SKIC3: variants seen among roughly 807,000 people sequenced by gnomAD.
SKIC3 encodes the protein SKI3 subunit of superkiller complex.
chr5:95,513,669 C>G, the SKIC3 span: 13 of 1,599,700 alleles, frequency 8.1e-6, no homozygotes, highest in East Asian at 4.5e-5. Context: ...AAAACAGACT[C>G]TTAATGTGTT....
chr5:95,474,087 T>C, the SKIC3 span, among the ~76,000 whole-genome samples: 2 of 152,334 alleles, frequency 1.3e-5, no homozygotes, highest in South Asian at 4.1e-4. Flanking sequence ...TTTGTATATA[T>C]GCTGAAAGGT....
At chr5:95,470,083 T>C in the SKIC3 span, among the ~76,000 whole-genome samples, 1 of 151,842 alleles carries the variant, frequency 6.6e-6, no homozygotes, top group Non-Finnish European at 1.5e-5. Flanking sequence ...GTTCCCGCCA[T>C]TCTCCTGCCT....
the SKIC3 span, among the ~76,000 whole-genome samples, chr5:95,530,859 A>T: frequency 1.5e-4 from 23 of 152,196 alleles, no homozygotes; most frequent in African/African-American, 5.5e-4. Context: ...AATAGTTTAG[A>T]AAACATTATA....
At chr5:95,516,978 G>T in the SKIC3 span, 1 of 1,613,324 alleles carries the variant, frequency 6.2e-7, no homozygotes. Context: ...TCTGCTAGAT[G>T]TTGTGCTTGG....
the SKIC3 span, among the ~76,000 whole-genome samples, chr5:95,548,365 T>C: frequency 6.6e-6 from 1 of 152,050 alleles, no homozygotes; most frequent in Non-Finnish European, 1.5e-5. Flanking sequence ...GTTAGATACA[T>C]ATTTTTTAAT....
the SKIC3 span, chr5:95,503,141 T>C: frequency 6.3e-5 from 60 of 953,734 alleles, no homozygotes; most frequent in African/African-American, 7.5e-4. Flanking sequence ...CTCAAGCAGA[T>C]AGAATAAAAA....
At chr5:95,516,150 A>G in the SKIC3 span, among the ~76,000 whole-genome samples, 1 of 152,140 alleles carries the variant, frequency 6.6e-6, no homozygotes. Context: ...AAGTTTCTTG[A>G]AGGTCATAAA....
chr5:95,485,398 C>T, the SKIC3 span, among the ~76,000 whole-genome samples: 1 of 152,188 alleles, frequency 6.6e-6, no homozygotes, highest in Non-Finnish European at 1.5e-5. Flanking sequence ...ATAGTATAAA[C>T]TCTTTGGCAT....
the SKIC3 span, among the ~76,000 whole-genome samples, chr5:95,506,499 A>G: frequency 6.6e-6 from 1 of 152,146 alleles, no homozygotes; most frequent in Non-Finnish European, 1.5e-5. Flanking sequence ...GTCTCTGAAA[A>G]ACTGAGGAAA....
the SKIC3 span, chr5:95,537,144 G>A: frequency 6.2e-7 from 1 of 1,611,470 alleles, no homozygotes; most frequent in Non-Finnish European, 8.5e-7. Flanking sequence ...GTAAAAAGCT[G>A]AAACAAATAA....
chr5:95,482,762 C>T, the SKIC3 span: 6 of 902,334 alleles, frequency 6.6e-6, no homozygotes, highest in Non-Finnish European at 1.0e-5. Flanking sequence ...GAGAAAACAA[C>T]TGCAAATAAT....
chr5:95,497,954 A>C, the SKIC3 span, among the ~76,000 whole-genome samples: 8 of 152,330 alleles, frequency 5.3e-5, no homozygotes, highest in Admixed American at 5.2e-4. Flanking sequence ...ACTGCTAAAA[A>C]TAAAACATAA....
the SKIC3 span, chr5:95,484,612 G>T: frequency 1.4e-6 from 2 of 1,458,246 alleles, no homozygotes; most frequent in South Asian, 2.3e-5. Flanking sequence ...CTCCCAAAGT[G>T]CCAGGAATAC....
the SKIC3 span, among the ~76,000 whole-genome samples, chr5:95,492,652 GAAAAAAAAAAAAAAAAAAAAAAAAAAAA>G: frequency 4.1e-5 from 2 of 48,836 alleles, no homozygotes; most frequent in Non-Finnish European, 6.3e-5. Flanking sequence ...AAAAAAAAAA[GAAAAAAAAAAAAAAAAAAAAAAAAAAAA>G]AAAAAAAAAC....
the SKIC3 span, among the ~76,000 whole-genome samples, chr5:95,516,197 A>C: frequency 2.0e-5 from 3 of 152,188 alleles, no homozygotes; most frequent in Non-Finnish European, 1.5e-5. Flanking sequence ...TATTCGACAT[A>C]AATTGAATAT....
chr5:95,524,534 T>C, the SKIC3 span: 1 of 1,613,848 alleles, frequency 6.2e-7, no homozygotes, highest in Non-Finnish European at 8.5e-7. Flanking sequence ...AGTATGTTAA[T>C]CCAAGTTGGT....
the SKIC3 span, among the ~76,000 whole-genome samples, chr5:95,518,321 A>T: frequency 6.6e-6 from 1 of 152,104 alleles, no homozygotes; most frequent in Non-Finnish European, 1.5e-5. Flanking sequence ...AGGAATGTTC[A>T]CTATCCTCCT....
At chr5:95,528,203 A>C in the SKIC3 span, 1 of 1,611,296 alleles carries the variant, frequency 6.2e-7, no homozygotes, top group Non-Finnish European at 8.5e-7. Flanking sequence ...ACTTCTGTTT[A>C]TTTTTTCTTT....
At chr5:95,482,336 C>A in the SKIC3 span, 63 of 933,766 alleles carry the variant, frequency 6.7e-5, no homozygotes, top group South Asian at 8.7e-4. Flanking sequence ...AACCACAATA[C>A]CTTTTAGATC....
Sources: gnomAD v4.1 joint callset for allele counts (sites outside exome capture counted in the v4.1 genomes callset) on GRCh38, gnomAD v4.1.1 for gene constraint, MANE v1.5 for transcripts, NCBI Gene and HGNC (gene_info 2026-07-23, HGNC 2026-07-21) for gene names.